The following GNG4 variants were observed in gnomAD, a reference collection of about 807,000 sequenced individuals.
GNG4 encodes the protein G protein subunit gamma 4, also known as guanine nucleotide-binding protein G(I)/G(S)/G(O) subunit gamma-4.
GNG4 carries 4 observed loss-of-function variants against 5.8 expected under a neutral mutation model. The observed-to-expected ratio is 0.69, with a 90% CI of 0.34 to 1.57. GNG4 has a LOEUF of 1.57. GNG4 is among the 40% of genes most tolerant of loss of function. The pLI, the probability that GNG4 is intolerant of heterozygous loss-of-function variation, is 0.06. For synonymous variants in GNG4, 29 were observed against 32.9 expected (o/e 0.88, Z 0.41); for missense variants, 96 against 95.1 (o/e 1.01, Z -0.04).
At chr1:235,606,405 C>A (rs894308345) in intron 1 of GNG4, among the ~76,000 whole-genome samples, 1 of 151,854 alleles carries the variant, frequency 6.6e-6, no homozygotes, top group Admixed American at 6.6e-5. Context: ...ATCAAACAGA[C>A]CAATGAGGAA....
intron 1 of GNG4, among the ~76,000 whole-genome samples, chr1:235,617,082 A>G (rs1004789241): frequency 2.6e-5 from 4 of 152,024 alleles, no homozygotes; most frequent in African/African-American, 9.7e-5. Context: ...TTACCTGACA[A>G]TGCAAAAATA....
In GNG4 at chr1:235,585,185, T is replaced by C. The variant is rs1423823200; in HGVS notation, c.-10-1337A>G. ...CCCATCACGTTGGACTCCAGACTAT[T>C]CTTTCCTATGCTTCTTTTTCCTTTT... On this transcript the variant is annotated intron_variant, in intron 2 of 3. Coordinates refer to ENST00000391854, the MANE Select transcript of GNG4 (RefSeq NM_001098722.2). 2.6e-5 allele frequency among the ~76,000 whole-genome samples: 4 copies of C among 151,662 alleles called. No homozygotes were observed. The East Asian group carries it at 7.7e-4, about 29-fold the overall frequency.
chr1:235,590,882 T>G (rs1015201524), intron 2 of GNG4, among the ~76,000 whole-genome samples: 3 of 152,226 alleles, frequency 2.0e-5, no homozygotes, highest in African/African-American at 7.2e-5. Context: ...GGATGTCTCA[T>G]GTACCTTAGG....
chr1:235,573,694 T>G (rs1342923141), intron 3 of GNG4, among the ~76,000 whole-genome samples: 2 of 152,016 alleles, frequency 1.3e-5, no homozygotes, highest in African/African-American at 2.4e-5. Flanking sequence ...GGAGAATCAC[T>G]TGAACCCGAG....
intron 2 of GNG4, among the ~76,000 whole-genome samples, chr1:235,594,345 C>T (rs1261125118): frequency 2.0e-5 from 3 of 152,202 alleles, no homozygotes; most frequent in Non-Finnish European, 4.4e-5. Context: ...AAGTCCCCAC[C>T]AGACTCAGGA....
intron 2 of GNG4, among the ~76,000 whole-genome samples, chr1:235,587,076 G>C (rs941187269): frequency 6.6e-5 from 10 of 151,810 alleles, no homozygotes. Flanking sequence ...ACATGGAGCA[G>C]GGCAAAGGGA....
At chr1:235,641,829 A>G (rs1341775251) in intron 1 of GNG4, among the ~76,000 whole-genome samples, 18 of 152,180 alleles carry the variant, frequency 1.2e-4, no homozygotes, top group Admixed American at 1.2e-3. Flanking sequence ...AGCCTATTTA[A>G]AATGTGAGCC....
At chr1:235,599,424 C>A (rs907158706) in intron 1 of GNG4, among the ~76,000 whole-genome samples, 2 of 151,764 alleles carry the variant, frequency 1.3e-5, no homozygotes, top group Non-Finnish European at 2.9e-5. Flanking sequence ...TCAAGCGAGT[C>A]TCCTGCCTCA....
At chr1:235,561,245 G>A (rs1012333874) in intron 3 of GNG4, among the ~76,000 whole-genome samples, 4 of 152,016 alleles carry the variant, frequency 2.6e-5, no homozygotes, top group African/African-American at 4.8e-5. Context: ...TCCTGACCTC[G>A]TGATCCGCCC....
intron 1 of GNG4, among the ~76,000 whole-genome samples, chr1:235,625,204 T>C (rs1688785175): frequency 6.6e-6 from 1 of 152,208 alleles, no homozygotes; most frequent in African/African-American, 2.4e-5. Flanking sequence ...CCTCTTGCCC[T>C]GGGACAGTAC....
chr1:235,633,862 T>C (rs1267079089), intron 1 of GNG4, among the ~76,000 whole-genome samples: 1 of 152,068 alleles, frequency 6.6e-6, no homozygotes, highest in African/African-American at 2.4e-5. Flanking sequence ...CCAACCAGGA[T>C]AAGGCCATAA....
At chr1:235,604,669 T>C (rs1386693055) in intron 1 of GNG4, among the ~76,000 whole-genome samples, 1 of 152,228 alleles carries the variant, frequency 6.6e-6, no homozygotes, top group Admixed American at 6.5e-5. Context: ...CAGCCATTGG[T>C]CTTAGGTCCC....
chr1:235,603,304 G>T (rs1688294855), intron 1 of GNG4, among the ~76,000 whole-genome samples: 1 of 151,788 alleles, frequency 6.6e-6, no homozygotes, highest in Non-Finnish European at 1.5e-5. Flanking sequence ...GGCAGGGGAA[G>T]TCCTAATTCA....
chr1:235,646,066 C>T (rs921842568), intron 1 of GNG4, among the ~76,000 whole-genome samples: 9 of 152,142 alleles, frequency 5.9e-5, no homozygotes, highest in Admixed American at 2.0e-4. Flanking sequence ...GGGGAAGAAA[C>T]AATCTCTCTG....
intron 3 of GNG4, among the ~76,000 whole-genome samples, chr1:235,568,793 C>CTTTTTTT (rs10625498): frequency 6.9e-6 from 1 of 144,582 alleles, no homozygotes; most frequent in Admixed American, 7.0e-5. Context: ...TTTTTCTTTC[C>CTTTTTTT]TTTTTTTTTT....
intron 1 of GNG4, among the ~76,000 whole-genome samples, chr1:235,613,360 A>G (rs988984015): frequency 6.6e-6 from 1 of 152,028 alleles, no homozygotes; most frequent in African/African-American, 2.4e-5. Flanking sequence ...TCTGTGTCCT[A>G]CTCCCCAGAA....
At chr1:235,562,686 G>GAAAAAAAAAAAA (rs1687099445) in intron 3 of GNG4, among the ~76,000 whole-genome samples, 5 of 126,000 alleles carry the variant, frequency 4.0e-5, no homozygotes, top group Admixed American at 7.8e-5. Context: ...AAAAAAAAAA[G>GAAAAAAAAAAAA]AAGAAAATTT....
At chr1:235,595,775 C>T (rs1022198594) in intron 1 of GNG4, among the ~76,000 whole-genome samples, 12 of 152,340 alleles carry the variant, frequency 7.9e-5, no homozygotes, top group African/African-American at 2.9e-4. Context: ...CCCCTGGACC[C>T]TGCAAACCTT....
chr1:235,588,379 T>A (rs951208523), intron 2 of GNG4, among the ~76,000 whole-genome samples: 2 of 151,958 alleles, frequency 1.3e-5, no homozygotes, highest in African/African-American at 2.4e-5. Context: ...GGGGCTGTGC[T>A]CTCCGACCCC....
Sources: allele counts gnomAD v4.1 joint callset (sites outside exome capture counted in the v4.1 genomes callset), GRCh38; gene constraint gnomAD v4.1.1; transcripts MANE v1.5; gene names NCBI Gene and HGNC (gene_info 2026-07-23, HGNC 2026-07-21).